VWA8: variants seen among roughly 807,000 people sequenced by gnomAD.
The protein encoded by VWA8 is von Willebrand factor A domain containing 8.
Under a neutral mutation model 241.5 loss-of-function variants are expected in VWA8, and 221 were observed. That is an observed-to-expected ratio of 0.91 (90% CI 0.82 to 1.02). The LOEUF (loss-of-function observed/expected upper bound fraction) is 1.02, where lower values mean the gene tolerates loss of function less well. VWA8 is among the 50% of genes least tolerant of loss of function. The probability of loss-of-function intolerance (pLI) is 0.00; values close to 1 mark genes in which losing one functional copy is unlikely to be tolerated. For missense variants in VWA8, 2,322 were observed against 2,328.7 expected, an observed-to-expected ratio of 1.00 and a Z score of 0.06; for synonymous variants, 852 against 827.1, an observed-to-expected ratio of 1.03 and a Z score of -0.52.
intron 5 of VWA8, among the ~76,000 whole-genome samples, chr13:41,887,567 G>A (rs1378222016): frequency 6.6e-6 from 1 of 152,184 alleles, no homozygotes; most frequent in Non-Finnish European, 1.5e-5. Flanking sequence ...TGGGGTGTTT[G>A]AAAGGAAAAG....
intron 2 of VWA8, among the ~76,000 whole-genome samples, chr13:41,940,250 G>GA (rs1454472683): frequency 6.6e-6 from 1 of 152,034 alleles, no homozygotes; most frequent in Non-Finnish European, 1.5e-5. Context: ...TGTTTCACTT[G>GA]AAAAGTGAAA....
chr13:41,950,031 A>C lies in VWA8; in HGVS notation c.164-18T>G. On this transcript the variant is annotated intron_variant, in intron 1 of 44. Transcript: ENST00000379310. Reference sequence around the variant, plus strand: ...TGTATCACCTAAAAAGAGATTTTAAAAACAGAATAATTATAAGAGACAAAC... The same window carrying C: ...TGTATCACCTAAAAAGAGATTTTAACAACAGAATAATTATAAGAGACAAAC... 1 of 1,447,350 alleles carries C rather than the reference A, an allele frequency of 6.9e-7. No homozygotes were observed. Among genetic ancestry groups the C allele is most frequent in the South Asian group, 1.3e-5 (1 of 78,878 alleles). 89.7% of individuals were successfully genotyped at this position (1,447,350 alleles called of 1,614,324 possible).
chr13:41,800,505 G>A (rs562594772), intron 17 of VWA8, among the ~76,000 whole-genome samples: 1 of 151,908 alleles, frequency 6.6e-6, no homozygotes, highest in African/African-American at 2.4e-5. Context: ...AAAAATATTT[G>A]TGGCCAGGCA....
intron 2 of VWA8, among the ~76,000 whole-genome samples, chr13:41,938,308 C>A (rs2138149024): frequency 6.6e-6 from 1 of 152,188 alleles, no homozygotes; most frequent in African/African-American, 2.4e-5. Context: ...AGAACACGTT[C>A]AAGGGCTTTA....
At position 41,882,267 on chromosome 13, in the gene VWA8, G is replaced by A. The variant is rs1450497315; in HGVS notation, c.1080+1120C>T. 5.6e-5 allele frequency among the ~76,000 whole-genome samples: 8 copies of A among 142,638 alleles called. No individual in the cohort carries two copies. In the South Asian group the frequency reaches 6.8e-4, roughly 12 times the overall value. 93.6% of individuals were successfully genotyped at this position (142,638 alleles called of 152,430 possible). A position where few individuals can be genotyped will look rare whatever the true frequency, so the allele number is the denominator to read the frequency against. ...GGATGGCGACCGGGAAGAGGCGCTC[G>A]TCACTTCCTAGATGGGATGGCGGCC... On this transcript the variant is annotated intron_variant, in intron 9 of 44. Transcript: ENST00000379310.
rs201548458 is a variant in VWA8 at position 41,587,643 on chromosome 13, G to T, written c.5140C>A (p.Arg1714Ser). 5 of 1,614,134 alleles carry T rather than the reference G, an allele frequency of 3.1e-6. No individual in the cohort carries two copies. The South Asian group carries it at 4.4e-5, about 14-fold the overall frequency. The change falls in exon 42 of 45, where the codon CGT becomes AGT. Residue 1714 changes from arginine (R) to serine (S), a missense_variant. By Grantham distance (110) the Arg-to-Ser change is moderately radical. Transcript: ENST00000379310. Reference protein sequence around the residue: ...QLGSPQQKPKRLRLVVDVSGS... With the variant: ...QLGSPQQKPKSLRLVVDVSGS... ...GACACATCTACCACCAGGCGCAGAC[G>T]CTTGGGTTTCTGTTGTGGGCTGCCA...
chr13:41,942,404 A>C (rs1404790353), intron 2 of VWA8, among the ~76,000 whole-genome samples: 1 of 152,184 alleles, frequency 6.6e-6, no homozygotes, highest in Non-Finnish European at 1.5e-5. Flanking sequence ...ACATGAACTA[A>C]ATTCTAGAAA....
intron 8 of VWA8, among the ~76,000 whole-genome samples, chr13:41,884,972 C>T (rs1179470963): frequency 6.6e-6 from 1 of 151,938 alleles, no homozygotes; most frequent in Non-Finnish European, 1.5e-5. Flanking sequence ...GATAGTATTC[C>T]CACTATCTTG....
chr13:41,694,925 C>T (rs919882796), intron 29 of VWA8, among the ~76,000 whole-genome samples: 10 of 152,140 alleles, frequency 6.6e-5, no homozygotes, highest in Non-Finnish European at 1.2e-4. Context: ...ACATGTATTT[C>T]CAGCCACTGC....
At chr13:41,855,210 G>A (rs1334700351) in intron 12 of VWA8, among the ~76,000 whole-genome samples, 5 of 151,400 alleles carry the variant, frequency 3.3e-5, no homozygotes, top group Non-Finnish European at 7.4e-5. Context: ...AATTCATTGA[G>A]AAGGGCTGAG....
chr13:41,614,883 C>G, intron 38 of VWA8, 93 bp downstream of exon 38: 2 of 1,241,322 alleles, frequency 1.6e-6, no homozygotes, highest in South Asian at 2.6e-5. Context: ...GAAGGAAAGC[C>G]CGTCTCTGAG....
intron 37 of VWA8, among the ~76,000 whole-genome samples, chr13:41,670,229 T>C (rs1274113523): frequency 6.6e-6 from 1 of 151,966 alleles, no homozygotes; most frequent in Non-Finnish European, 1.5e-5. Flanking sequence ...TTCCAAAGAT[T>C]AAAATAAATG....
chr13:41,619,645 T>C (rs2044644079), intron 37 of VWA8, among the ~76,000 whole-genome samples: 2 of 152,248 alleles, frequency 1.3e-5, no homozygotes, highest in African/African-American at 4.8e-5. Flanking sequence ...ATACGTTCCA[T>C]CAATATCTAG....
intron 12 of VWA8, 40 bp downstream of exon 12, chr13:41,865,696 A>T (rs1248034597): frequency 6.2e-7 from 1 of 1,607,630 alleles, no homozygotes; most frequent in African/African-American, 1.3e-5. Flanking sequence ...CTAAGCATAT[A>T]TGCTTATAGT....
chr13:41,833,405 G>T lies in VWA8; in HGVS notation c.1552C>A (p.Arg518=). 1 of 1,613,256 alleles carries T rather than the reference G, an allele frequency of 6.2e-7. No homozygotes were observed. The highest frequency in any genetic ancestry group is 8.5e-7 in the Non-Finnish European group (1 of 1,179,674). The change falls in exon 13 of 45, where the codon CGG becomes AGG. Residue 518 remains arginine, a synonymous_variant. Transcript: ENST00000379310. The part of the protein sequence containing the change: ...GKLVLLDGIH[R]VNAGTLAVLQ... ...ACAGCAAGCGTGCCCGCATTCACCC[G>T]GTGAATGCCATCCAGCAGGACCAGC...
intron 15 of VWA8, 135 bp from the exon 16 acceptor site, chr13:41,816,910 G>T: frequency 1.4e-6 from 1 of 695,672 alleles, no homozygotes; most frequent in Non-Finnish European, 2.4e-6. Context: ...TTGGCTAAAT[G>T]TTTAACTTAT....
chr13:41,601,698 G>A (rs1211869650), intron 40 of VWA8, among the ~76,000 whole-genome samples: 1 of 152,134 alleles, frequency 6.6e-6, no homozygotes, highest in African/African-American at 2.4e-5. Context: ...TCACAAAAGG[G>A]AAAAGGTTCA....
chr13:41,934,083 C>T (rs1244351753), intron 2 of VWA8, among the ~76,000 whole-genome samples: 1 of 148,872 alleles, frequency 6.7e-6, no homozygotes, highest in Non-Finnish European at 1.5e-5. Flanking sequence ...TGATAAAGTC[C>T]TTATATCCAG....
At chr13:41,924,503 A>G (rs1487194294) in intron 2 of VWA8, among the ~76,000 whole-genome samples, 1 of 152,110 alleles carries the variant, frequency 6.6e-6, no homozygotes, top group Non-Finnish European at 1.5e-5. Flanking sequence ...AGAGTGAAAA[A>G]GAGTGAAGAC....
Sources: allele counts gnomAD v4.1 joint callset (sites outside exome capture counted in the v4.1 genomes callset), GRCh38; gene constraint gnomAD v4.1.1; transcripts MANE v1.5; gene names NCBI Gene and HGNC (gene_info 2026-07-23, HGNC 2026-07-21).